The following UGGT2 variants were observed in gnomAD, a reference collection of about 807,000 sequenced individuals.
UGGT2 encodes the protein UDP-glucose:glycoprotein glucosyltransferase 2.
A neutral mutation model predicts 192.1 loss-of-function variants in UGGT2; 180 were observed. That is an observed-to-expected ratio of 0.94 (90% confidence interval 0.83 to 1.06). UGGT2 has a LOEUF of 1.06. Among genes scored for constraint, UGGT2 ranks in the 50% least tolerant of loss-of-function variants. The pLI is 0.00. For synonymous variants in UGGT2, 580 were observed against 591.0 expected, an observed-to-expected ratio of 0.98 and a Z score of 0.27; for missense variants, 1,849 against 1,795.7, an observed-to-expected ratio of 1.03 and a Z score of -0.54.
At chr13:95,989,941 A>G (rs1198143357) in intron 8 of UGGT2, 32 bp downstream of exon 8, 1 of 1,447,038 alleles carries the variant, frequency 6.9e-7, no homozygotes, top group East Asian at 2.3e-5. Flanking sequence ...AGTTACCAAA[A>G]TGCTGTGTTA....
At chr13:95,974,926 A>T (rs1281027746) in intron 10 of UGGT2, among the ~76,000 whole-genome samples, 3 of 152,048 alleles carry the variant, frequency 2.0e-5, no homozygotes, top group Admixed American at 1.3e-4. Flanking sequence ...TATCAAAAAT[A>T]GAAAAATTAG....
chr13:96,038,506 A>AT (rs2053070939), intron 1 of UGGT2, among the ~76,000 whole-genome samples: 3 of 152,278 alleles, frequency 2.0e-5, no homozygotes, highest in Admixed American at 6.5e-5. Flanking sequence ...CTACCACACC[A>AT]TTACCCAAGG....
At chr13:95,914,184 C>T (rs140854286) in intron 20 of UGGT2, among the ~76,000 whole-genome samples, 216 of 151,112 alleles carry the variant, frequency 1.4e-3, no homozygotes, top group African/African-American at 4.8e-3. Context: ...CATCATGGCA[C>T]ATATATACCT....
chr13:95,857,911 A>T (rs933224079), intron 33 of UGGT2, among the ~76,000 whole-genome samples: 1 of 151,944 alleles, frequency 6.6e-6, no homozygotes, highest in African/African-American at 2.4e-5. Flanking sequence ...ATACTCCCTT[A>T]TTCAGTGTCT....
chr13:95,900,961 T>G, intron 21 of UGGT2, 23 bp from the exon 22 acceptor site: 2 of 1,512,410 alleles, frequency 1.3e-6, no homozygotes, highest in Non-Finnish European at 1.8e-6. Flanking sequence ...TTAAGACTGA[T>G]GAAACTAATA....
intron 2 of UGGT2, among the ~76,000 whole-genome samples, chr13:96,027,023 T>C (rs1017627376): frequency 1.3e-5 from 2 of 152,158 alleles, no homozygotes; most frequent in Admixed American, 1.3e-4. Context: ...TTGGGAGATA[T>C]GGTGAGTTTT....
chr13:95,971,279 A>G (rs1228062079), intron 11 of UGGT2, among the ~76,000 whole-genome samples: 2 of 152,316 alleles, frequency 1.3e-5, no homozygotes, highest in African/African-American at 4.8e-5. Flanking sequence ...CTGTAATATG[A>G]CATTTTACTT....
chr13:96,047,846 G>A (rs1301081294), intron 1 of UGGT2, among the ~76,000 whole-genome samples: 1 of 152,048 alleles, frequency 6.6e-6, no homozygotes, highest in Non-Finnish European at 1.5e-5. Flanking sequence ...CAAGTCCTTA[G>A]AGACCTAGAA....
chr13:95,971,711 G>A (rs1047465291), intron 11 of UGGT2, among the ~76,000 whole-genome samples: 1 of 152,054 alleles, frequency 6.6e-6, no homozygotes, highest in Non-Finnish European at 1.5e-5. Flanking sequence ...CTCTTTCTAT[G>A]TGTATTATAT....
At chr13:95,817,532 A>C (rs993254984) in intron 38 of UGGT2, among the ~76,000 whole-genome samples, 1 of 152,120 alleles carries the variant, frequency 6.6e-6, no homozygotes, top group African/African-American at 2.4e-5. Context: ...GCAGTGAGCT[A>C]TGATTGCCAC....
At chr13:95,823,699 T>G (rs531045585) in intron 38 of UGGT2, among the ~76,000 whole-genome samples, 10 of 152,172 alleles carry the variant, frequency 6.6e-5, no homozygotes, top group African/African-American at 2.4e-4. Context: ...GGATTGTGAT[T>G]TTTAAATTCA....
At chr13:95,888,987 T>C (rs143821163) in intron 25 of UGGT2, among the ~76,000 whole-genome samples, 2 of 152,076 alleles carry the variant, frequency 1.3e-5, no homozygotes, top group African/African-American at 4.8e-5. Context: ...TTGACTAATT[T>C]ATTTTTTATT....
intron 29 of UGGT2, among the ~76,000 whole-genome samples, chr13:95,871,982 T>A (rs1891264555): frequency 6.6e-6 from 1 of 151,006 alleles, no homozygotes; most frequent in Non-Finnish European, 1.5e-5. Flanking sequence ...TACAAAAACA[T>A]GGGAGAAACA....
At chr13:95,989,175 A>G (rs2051382818) in intron 8 of UGGT2, among the ~76,000 whole-genome samples, 1 of 152,132 alleles carries the variant, frequency 6.6e-6, no homozygotes. Context: ...GAATGGTAGA[A>G]TTTAAAAGGG....
chr13:95,816,662 C>G (rs1884928533), intron 38 of UGGT2, among the ~76,000 whole-genome samples: 1 of 152,068 alleles, frequency 6.6e-6, no homozygotes, highest in Non-Finnish European at 1.5e-5. Flanking sequence ...ATGTATGGCA[C>G]TGGAGGAAAG....
Position 95,972,588 on chromosome 13 carries a change from G to T in UGGT2, c.1176C>A (p.Asp392Glu). 2 of 1,610,998 alleles carry T rather than the reference G, an allele frequency of 1.2e-6. No individual in the cohort carries two copies. The highest frequency in any genetic ancestry group is 1.7e-6 in the Non-Finnish European group (2 of 1,177,942). ...NGLRVDMDVYDAFSILDMLKL... is the reference protein window; with the variant it reads ...NGLRVDMDVYEAFSILDMLKL... ...AATAATTTAATACTTACCTAAAAGC[G>T]TCATAAACATCCATATCAACACGAA... Residue 392 changes from aspartate to glutamate, a missense_variant, in exon 11 of 39, where the codon GAC (aspartate) becomes GAA (glutamate). Asp to Glu is a conservative substitution (Grantham distance 45). Transcript: ENST00000376747.
At chr13:95,828,866 C>A (rs1204663457) in intron 38 of UGGT2, among the ~76,000 whole-genome samples, 2 of 151,922 alleles carry the variant, frequency 1.3e-5, no homozygotes, top group Non-Finnish European at 2.9e-5. Context: ...GTCACAACAA[C>A]AAAAGATAAT....
At chr13:95,947,934 A>G in intron 14 of UGGT2, 62 bp downstream of exon 14, 1 of 1,403,550 alleles carries the variant, frequency 7.1e-7, no homozygotes. Context: ...TCTGTGTAAC[A>G]CAATATGAAT....
At chr13:95,986,036 C>T (rs1294666495) in intron 9 of UGGT2, among the ~76,000 whole-genome samples, 1 of 152,190 alleles carries the variant, frequency 6.6e-6, no homozygotes, top group East Asian at 1.9e-4. Flanking sequence ...TTATTTATTG[C>T]TTAAACAAGT....
Sources: gnomAD v4.1 joint callset for allele counts (sites outside exome capture counted in the v4.1 genomes callset) on GRCh38, gnomAD v4.1.1 for gene constraint, MANE v1.5 for transcripts, NCBI Gene and HGNC (gene_info 2026-07-23, HGNC 2026-07-21) for gene names.